The following MEIS3 variants were observed in gnomAD, a reference collection of about 807,000 sequenced individuals.
MEIS3 encodes Meis homeobox 3, also known as homeobox protein Meis3.
A neutral mutation model predicts 51.4 loss-of-function variants in MEIS3; 38 were observed. That is an observed-to-expected ratio of 0.74 (90% CI 0.57 to 0.97). MEIS3 has a LOEUF of 0.97. Among genes scored for constraint, MEIS3 ranks in the 50% least tolerant of loss-of-function variants. MEIS3 has a pLI of 0.00. For synonymous variants in MEIS3, 198 were observed against 201.8 expected, an observed-to-expected ratio of 0.98 and a Z score of 0.16; for missense variants, 456 against 502.6, an observed-to-expected ratio of 0.91 and a Z score of 0.89.
chr19:47,408,359 T>C lies in MEIS3; in HGVS notation c.858+740A>G, dbSNP rs139532557. Reference sequence around the variant, plus strand: ...CTGGTCTCGAACTCCTGGGCTCAAGTGATCCTCCTGCCATGGCCTCCGAAA... The same window carrying C: ...CTGGTCTCGAACTCCTGGGCTCAAGCGATCCTCCTGCCATGGCCTCCGAAA... On this transcript the variant is annotated intron_variant, in intron 8 of 12. Coordinates refer to ENST00000558555, the MANE Select transcript of MEIS3 (RefSeq NM_001301059.2). Among the ~76,000 whole-genome samples the C allele has an allele frequency of 8.0e-3, 1,218 of 152,132 alleles. 18 individuals are homozygous for C. The highest frequency in any genetic ancestry group is 0.027 in the African/African-American group (1,141 of 41,506).
chr19:47,410,702 C>T (rs1971091809), intron 6 of MEIS3, among the ~76,000 whole-genome samples: 1 of 151,432 alleles, frequency 6.6e-6, no homozygotes, highest in Admixed American at 6.6e-5. Flanking sequence ...GGAGGCAGAA[C>T]TTGCAGTGAG....
upstream of MEIS3, among the ~76,000 whole-genome samples, chr19:47,420,892 G>GCTCT (rs147025798): frequency 0.027 from 2,880 of 107,680 alleles, 31 homozygotes; most frequent in Non-Finnish European, 0.04. Context: ...TCTGTCTCTC[G>GCTCT]CTCTCTCTCT....
upstream of MEIS3, among the ~76,000 whole-genome samples, chr19:47,420,940 A>ACACACACACACACTCTCTCTCT (rs1187725467): frequency 5.5e-5 from 5 of 91,000 alleles, no homozygotes; most frequent in East Asian, 2.5e-4. Context: ...ACACACACAC[A>ACACACACACACACTCTCTCTCT]CTCTCTCTCT....
Position 47,409,480 on chromosome 19 carries a change from C to A in MEIS3, c.665G>T (p.Ser222Ile), listed in dbSNP as rs1421500611. Residue 222 changes from serine (S) to isoleucine (I), a missense_variant, in exon 7 of 13, where the codon AGT becomes ATT. Physicochemically the swap from Ser to Ile is moderately radical, Grantham distance 142. Coordinates refer to ENST00000558555, the MANE Select transcript of MEIS3 (RefSeq NM_001301059.2). ...CCCACTCTGGGAGGCCAGGCCCCCACTGGATGGACCTGGGGTCCCCAAATG... is the reference window on the plus strand; with the variant it reads ...CCCACTCTGGGAGGCCAGGCCCCCAATGGATGGACCTGGGGTCCCCAAATG... ...SVHLGTPGPS[S>I]GGLASQSGDN... 6.2e-7 allele frequency: 1 copy of A among 1,614,054 alleles called. No homozygotes were observed. Among genetic ancestry groups the A allele is most frequent in the African/African-American group, 1.3e-5 (1 of 74,934 alleles).
chr19:47,414,869 G>T lies in MEIS3; in HGVS notation c.448-3C>A. 5.0e-6 allele frequency: 8 copies of T among 1,608,774 alleles called. No homozygotes were observed. The highest frequency in any genetic ancestry group is 5.9e-6 in the Non-Finnish European group (7 of 1,176,992). ...AAGTTGTCGCACAGGTCGTGGACCT[G>T]GGGGGGCACCGGGGTACTGGGGGGG... On this transcript the variant is annotated splice_region_variant and splice_polypyrimidine_tract_variant and intron_variant, in intron 5 of 12. Transcript: ENST00000558555.
At chr19:47,418,882 G>C in intron 1 of MEIS3, 188 bp downstream of exon 1, 1 of 400,186 alleles carries the variant, frequency 2.5e-6, no homozygotes, top group Non-Finnish European at 4.4e-6. Context: ...GGGCCAGGAA[G>C]AGACACTTGG....
chr19:47,420,533 G>GAC (rs1568433700), upstream of MEIS3, among the ~76,000 whole-genome samples: 11 of 130,168 alleles, frequency 8.5e-5, no homozygotes, highest in African/African-American at 3.3e-4. Flanking sequence ...GAGAGAGAGA[G>GAC]AGACAGAGAC....
At chr19:47,420,802 G>A (rs1453428469), upstream of MEIS3, among the ~76,000 whole-genome samples, 1 of 151,356 alleles carries the variant, frequency 6.6e-6, no homozygotes, top group Admixed American at 6.6e-5. Context: ...GGGACGGAGG[G>A]AGCAGGGGGG....
intron 8 of MEIS3, among the ~76,000 whole-genome samples, chr19:47,408,879 CG>C: frequency 6.6e-6 from 1 of 152,134 alleles, no homozygotes. Flanking sequence ...GGACAGTTTT[CG>C]GGGAGGACTT....
chr19:47,416,076 T>C (rs1047666247), intron 4 of MEIS3: 1 of 152,302 alleles, frequency 6.6e-6, no homozygotes, highest in African/African-American at 2.4e-5. Flanking sequence ...TTAAATGTTT[T>C]TGTAGAGGTG....
At chr19:47,420,793 G>A (rs1971678418), upstream of MEIS3, among the ~76,000 whole-genome samples, 1 of 151,370 alleles carries the variant, frequency 6.6e-6, no homozygotes, top group Admixed American at 6.6e-5. Context: ...TGCCGGCGGG[G>A]GACGGAGGGA....
At chr19:47,406,843 T>C in intron 11 of MEIS3, 45 bp downstream of exon 11, 1 of 1,504,386 alleles carries the variant, frequency 6.6e-7, no homozygotes, top group Non-Finnish European at 8.9e-7. Context: ...TACAGGTGGG[T>C]CATGGTGCGC....
chr19:47,407,870 C>A (rs753418711), intron 8 of MEIS3, among the ~76,000 whole-genome samples: 13 of 152,178 alleles, frequency 8.5e-5, no homozygotes, highest in African/African-American at 1.4e-4. Context: ...TGCAGTGGCG[C>A]GATCTCTGCT....
intron 8 of MEIS3, 91 bp from the exon 9 acceptor site, chr19:47,407,519 G>T (rs376275211): frequency 9.0e-5 from 144 of 1,604,078 alleles, no homozygotes; most frequent in Non-Finnish European, 4.7e-5. Flanking sequence ...GGGATGGGGA[G>T]CCCAGGCCCA....
intron 6 of MEIS3, among the ~76,000 whole-genome samples, chr19:47,410,445 T>C (rs1233760409): frequency 3.1e-5 from 4 of 129,348 alleles, no homozygotes; most frequent in Non-Finnish European, 6.3e-5. Flanking sequence ...AAAGTGAGAC[T>C]ACGTCTCAAA....
intron 2 of MEIS3, 25 bp from the exon 3 acceptor site, chr19:47,416,988 G>C: frequency 6.4e-7 from 1 of 1,560,554 alleles, no homozygotes; most frequent in Non-Finnish European, 8.7e-7. Context: ...AAGGAGAGAG[G>C]TTGAGGGAGA....
Position 47,407,138 on chromosome 19 carries a change from C to G in MEIS3, c.936-1G>C. On this transcript the variant is annotated splice_acceptor_variant, in intron 9 of 12. Coordinates refer to ENST00000558555, the MANE Select transcript of MEIS3 (RefSeq NM_001301059.2). LOFTEE classifies it high-confidence loss of function. ...GATGCGTCTCCGGGCGTTAATGAAC[C>G]TGGGAGGCGGTCATGGAAACGGAGG... is the stretch of plus-strand genomic sequence containing the variant. 1.9e-6 allele frequency: 3 copies of G among 1,608,968 alleles called. No homozygotes were observed. Among genetic ancestry groups the G allele is most frequent in the Non-Finnish European group, 2.5e-6 (3 of 1,178,166 alleles).
At chr19:47,420,940 A>ACACACACACTCTCTCTCT (rs1187725467), upstream of MEIS3, among the ~76,000 whole-genome samples, 93 of 90,908 alleles carry the variant, frequency 1.0e-3, no homozygotes, top group Admixed American at 7.4e-3. Flanking sequence ...ACACACACAC[A>ACACACACACTCTCTCTCT]CTCTCTCTCT....
chr19:47,409,782 G>C (rs997868843), intron 6 of MEIS3, among the ~76,000 whole-genome samples: 2 of 151,398 alleles, frequency 1.3e-5, no homozygotes, highest in Non-Finnish European at 2.9e-5. Context: ...AGAATCGCTT[G>C]AACCCGGGAG....
Sources: allele counts gnomAD v4.1 joint callset (sites outside exome capture counted in the v4.1 genomes callset), GRCh38; gene constraint gnomAD v4.1.1; transcripts MANE v1.5; gene names NCBI Gene and HGNC (gene_info 2026-07-23, HGNC 2026-07-21).